The following RASA1 variants were observed in gnomAD, a reference collection of about 807,000 sequenced individuals.
The protein encoded by RASA1 is ras GTPase-activating protein 1.
A neutral mutation model predicts 132.2 loss-of-function variants in RASA1; 25 were observed. The ratio of observed to expected loss-of-function variants is 0.19; its 90% CI spans 0.14 to 0.26. RASA1 has a LOEUF of 0.26. RASA1 is among the 10% of genes least tolerant of loss of function. The pLI, the probability that RASA1 is intolerant of heterozygous loss-of-function variation, is 1.00. For missense variants in RASA1, 964 were observed against 1,299.2 expected (o/e 0.74, Z 3.97); for synonymous variants, 477 against 449.9 (o/e 1.06, Z -0.76).
At chr5:87,285,303 G>A (rs1054632171) in intron 1 of RASA1, among the ~76,000 whole-genome samples, 1 of 151,858 alleles carries the variant, frequency 6.6e-6, no homozygotes, top group African/African-American at 2.4e-5. Flanking sequence ...TCTTGACCTC[G>A]TGATCCTTCC....
intron 1 of RASA1, among the ~76,000 whole-genome samples, chr5:87,302,758 G>A (rs935915236): frequency 8.7e-5 from 13 of 148,698 alleles, no homozygotes; most frequent in East Asian, 2.0e-4. Context: ...TGCCTAATAC[G>A]CACACCACCT....
At chr5:87,310,512 T>C (rs1170246941) in intron 1 of RASA1, among the ~76,000 whole-genome samples, 1 of 152,192 alleles carries the variant, frequency 6.6e-6, no homozygotes, top group Non-Finnish European at 1.5e-5. Context: ...TAATGGAGTC[T>C]GAGTAGGCTT....
chr5:87,390,346 A>T (rs943584845), intron 24 of RASA1, among the ~76,000 whole-genome samples: 5 of 152,120 alleles, frequency 3.3e-5, no homozygotes, highest in Non-Finnish European at 7.3e-5. Flanking sequence ...GATTTTGTAG[A>T]AGGGATTAAA....
intron 1 of RASA1, among the ~76,000 whole-genome samples, chr5:87,292,367 CTTT>C (rs76957126): frequency 3.3e-5 from 4 of 120,214 alleles, no homozygotes; most frequent in Admixed American, 8.2e-5. Flanking sequence ...TGTTTACATT[CTTT>C]TTTTTTTTTT....
At chr5:87,277,344 C>A (rs1443139567) in intron 1 of RASA1, among the ~76,000 whole-genome samples, 1 of 152,108 alleles carries the variant, frequency 6.6e-6, no homozygotes, top group Non-Finnish European at 1.5e-5. Flanking sequence ...GAAGCCTTAA[C>A]CACCAATGTA....
At position 87,378,516 on chromosome 5, in the gene RASA1, T is replaced by C; in HGVS notation, c.2465T>C (p.Met822Thr). The C allele has an allele frequency of 6.2e-7, 1 of 1,611,520 alleles. No individual in the cohort carries two copies. The highest frequency in any genetic ancestry group is 8.5e-7 in the Non-Finnish European group (1 of 1,177,748). ...HALKDSILKI[M>T]ESKQSCELSP... Reference sequence around the variant, plus strand: ...TTGAAAGACTCTATTTTAAAGATAATGGAAAGCAAGCAGTCTTGTGAGGTA... The same window carrying C: ...TTGAAAGACTCTATTTTAAAGATAACGGAAAGCAAGCAGTCTTGTGAGGTA... Residue 822 changes from methionine to threonine, a missense_variant, in exon 18 of 25, where the codon ATG becomes ACG. Around this residue, in one of 6 missense-constraint regions of RASA1, gnomAD observed 346 missense variants for 520.1 expected, o/e 0.67. Transcript: ENST00000274376.
chr5:87,342,720 G>T (rs1450440638), intron 6 of RASA1, among the ~76,000 whole-genome samples: 1 of 152,102 alleles, frequency 6.6e-6, no homozygotes, highest in East Asian at 1.9e-4. Context: ...ACTAGAAAGT[G>T]TTTGCCTATT....
At position 87,344,678 on chromosome 5, in the gene RASA1, AT is replaced by A. The variant is rs113174684; in HGVS notation, c.1050-1973del. Reference sequence around the variant, plus strand: ...ACCACCACACCTGGCAAATGTTGTAATTTTTTTTTTTTTTTTTTTTTGTAAA... The same window carrying A: ...ACCACCACACCTGGCAAATGTTGTAATTTTTTTTTTTTTTTTTTTTGTAAA... On this transcript the variant is annotated intron_variant, in intron 6 of 24. Coordinates refer to ENST00000274376, the MANE Select transcript of RASA1 (RefSeq NM_002890.3). Among the ~76,000 whole-genome samples the A allele has an allele frequency of 9.6e-3, 1,253 of 131,194 alleles. 10 individuals are homozygous for A. Among genetic ancestry groups the A allele is most frequent in the African/African-American group, 0.023 (826 of 35,368 alleles). The allele number at this position is 131,194 out of a possible 152,430, so 86.1% of individuals were successfully genotyped here.
Position 87,369,864 on chromosome 5 carries a change from C to A in RASA1, c.1662C>A (p.Ile554=). 10 of 1,612,218 alleles carry A rather than the reference C, an allele frequency of 6.2e-6. No individual in the cohort carries two copies. The highest frequency in any genetic ancestry group is 6.8e-6 in the Non-Finnish European group (8 of 1,178,854). Residue 554 remains isoleucine, a synonymous_variant, in exon 12 of 25, where the codon ATC becomes ATA. Transcript: ENST00000274376. ...VVQHFSEEHY[I]FYFAGETPEQ... ...AGCACTTTAGTGAAGAACATTACAT[C>A]TTTTACTTTGCAGGAGAAACTCCAG...
intron 5 of RASA1, 145 bp downstream of exon 5, chr5:87,338,236 T>C: frequency 7.7e-7 from 1 of 1,305,702 alleles, no homozygotes; most frequent in South Asian, 1.4e-5. Context: ...AAGTGCTGTT[T>C]GTTAGTATGG....
intron 12 of RASA1, among the ~76,000 whole-genome samples, chr5:87,370,953 T>A (rs973811267): frequency 5.3e-5 from 8 of 152,170 alleles, no homozygotes; most frequent in Non-Finnish European, 1.0e-4. Flanking sequence ...TCACATGTAA[T>A]GCACATAAAA....
At chr5:87,271,452 CTTTTTTTTTTTTTT>C (rs201918763) in intron 1 of RASA1, among the ~76,000 whole-genome samples, 570 of 38,242 alleles carry the variant, frequency 0.015, 25 homozygotes, top group East Asian at 0.089. Flanking sequence ...TAGTAGACTT[CTTTTTTTTTTTTTT>C]TTTTTTTTTT....
rs975753012 is a variant in RASA1 at position 87,353,981 on chromosome 5, G to A, written c.1332+746G>A. Reference sequence around the variant, plus strand: ...ATAATTTTCCTAAGTGGAAAATGGAGGTACTGTTATTCTAGGGACATAAAG... The same window carrying A: ...ATAATTTTCCTAAGTGGAAAATGGAAGTACTGTTATTCTAGGGACATAAAG... On this transcript the variant is annotated intron_variant, in intron 9 of 24. Coordinates refer to ENST00000274376, the MANE Select transcript of RASA1 (RefSeq NM_002890.3). Among the ~76,000 whole-genome samples the A allele has an allele frequency of 5.9e-5, 9 of 152,234 alleles. No homozygotes were observed. The East Asian group carries it at 1.5e-3, about 26-fold the overall frequency.
At chr5:87,366,286 T>C in intron 11 of RASA1, 1 of 335,334 alleles carries the variant, frequency 3.0e-6, no homozygotes, top group Non-Finnish European at 6.2e-6. Flanking sequence ...TTAAGATGAA[T>C]ATTGCAATAT....
chr5:87,340,193 T>C (rs139923557), intron 5 of RASA1, among the ~76,000 whole-genome samples: 7 of 152,296 alleles, frequency 4.6e-5, no homozygotes, highest in African/African-American at 1.7e-4. Flanking sequence ...CTTGTAAAAT[T>C]TGATTCATCT....
At chr5:87,296,116 C>CTT (rs542473809) in intron 1 of RASA1, among the ~76,000 whole-genome samples, 2 of 146,214 alleles carry the variant, frequency 1.4e-5, no homozygotes, top group Non-Finnish European at 3.0e-5. Flanking sequence ...TACAACCAGC[C>CTT]TTTTTTTTTT....
At chr5:87,302,390 A>G (rs1343051434) in intron 1 of RASA1, among the ~76,000 whole-genome samples, 2 of 151,508 alleles carry the variant, frequency 1.3e-5, no homozygotes, top group Non-Finnish European at 1.5e-5. Flanking sequence ...TCTTCTGTCC[A>G]GTTTTCTATT....
chr5:87,325,170 A>T (rs777319091), intron 1 of RASA1, among the ~76,000 whole-genome samples: 3 of 152,208 alleles, frequency 2.0e-5, no homozygotes, highest in East Asian at 3.9e-4. Context: ...ACTGAGCAAA[A>T]GGGGGAAAAG....
At chr5:87,371,936 T>G (rs1479940586) in intron 12 of RASA1, among the ~76,000 whole-genome samples, 182 bp from the exon 13 acceptor site, 2 of 151,744 alleles carry the variant, frequency 1.3e-5, no homozygotes, top group African/African-American at 2.4e-5. Flanking sequence ...TTATTATTGT[T>G]ATTGTTATGT....
Sources: gnomAD v4.1 joint callset for allele counts (sites outside exome capture counted in the v4.1 genomes callset) on GRCh38, gnomAD v4.1.1 for gene constraint, gnomAD v4.1.1 regional missense constraint, MANE v1.5 for transcripts, NCBI Gene and HGNC (gene_info 2026-07-23, HGNC 2026-07-21) for gene names.